FSTL4: variants seen among roughly 807,000 people sequenced by gnomAD.
FSTL4 encodes the protein follistatin like 4.
Under a neutral mutation model 78.2 loss-of-function variants are expected in FSTL4, and 28 were observed. That is an observed-to-expected ratio of 0.36 (90% CI 0.27 to 0.49). The LOEUF (loss-of-function observed/expected upper bound fraction) is 0.49. Among genes scored for constraint, FSTL4 ranks in the 20% least tolerant of loss-of-function variants. The probability of loss-of-function intolerance (pLI) is 0.98; values close to 1 mark genes in which losing one functional copy is unlikely to be tolerated. For missense variants in FSTL4, 922 were observed against 1,084.9 expected, an observed-to-expected ratio of 0.85 and a Z score of 2.11; for synonymous variants, 422 against 440.5, an observed-to-expected ratio of 0.96 and a Z score of 0.53.
chr5:133,679,020 G>A, the FSTL4 span, among the ~76,000 whole-genome samples: 3 of 152,158 alleles, frequency 2.0e-5, no homozygotes, highest in Non-Finnish European at 4.4e-5. Flanking sequence ...CAGCAACATA[G>A]CAAGGCTATA....
intron 6 of FSTL4, among the ~76,000 whole-genome samples, chr5:133,251,796 C>T (rs1752250354): frequency 6.6e-6 from 1 of 152,196 alleles, no homozygotes; most frequent in South Asian, 2.1e-4. Flanking sequence ...TGAGAACTGC[C>T]TTGGGCTGCC....
the FSTL4 span, among the ~76,000 whole-genome samples, chr5:133,821,848 G>A: frequency 2.6e-5 from 4 of 152,234 alleles, no homozygotes; most frequent in East Asian, 1.9e-4. Context: ...GAGACTGGTC[G>A]GAAATTCAGT....
chr5:133,663,046 T>C, the FSTL4 span, among the ~76,000 whole-genome samples: 1 of 152,328 alleles, frequency 6.6e-6, no homozygotes, highest in African/African-American at 2.4e-5. Context: ...GACAAAATTA[T>C]AGTAGTAAAG....
chr5:133,416,868 C>T (rs1288800876), intron 3 of FSTL4, among the ~76,000 whole-genome samples: 1 of 152,170 alleles, frequency 6.6e-6, no homozygotes, highest in Non-Finnish European at 1.5e-5. Flanking sequence ...AATGAGTGCT[C>T]TGGTTTGAAT....
At chr5:133,729,963 C>A in the FSTL4 span, among the ~76,000 whole-genome samples, 1 of 152,166 alleles carries the variant, frequency 6.6e-6, no homozygotes, top group Non-Finnish European at 1.5e-5. Context: ...ACTCACCAAA[C>A]AACCTTCAGA....
the FSTL4 span, among the ~76,000 whole-genome samples, chr5:133,702,651 G>A: frequency 3.7e-4 from 56 of 152,308 alleles, no homozygotes; most frequent in East Asian, 6.6e-3. Context: ...AAGAAAGTAT[G>A]CTTTTATAGA....
chr5:133,749,459 CTG>C, the FSTL4 span, among the ~76,000 whole-genome samples: 1 of 152,238 alleles, frequency 6.6e-6, no homozygotes, highest in South Asian at 2.1e-4. Context: ...GCAGTGAAGA[CTG>C]GATTTCAGCC....
intron 2 of FSTL4, among the ~76,000 whole-genome samples, chr5:133,601,599 G>A (rs550033346): frequency 6.6e-6 from 1 of 152,296 alleles, no homozygotes; most frequent in East Asian, 1.9e-4. Context: ...CAGAGTGTGA[G>A]CAAGGGCTGC....
the FSTL4 span, among the ~76,000 whole-genome samples, chr5:133,701,509 A>ACACACACACACACACACACACACACC: frequency 5.3e-5 from 7 of 132,624 alleles, no homozygotes; most frequent in Non-Finnish European, 6.4e-5. Context: ...ACACACACAC[A>ACACACACACACACACACACACACACC]CCCCACAGGC....
At chr5:133,398,154 T>C (rs27973) in intron 4 of FSTL4, among the ~76,000 whole-genome samples, 140,677 of 152,218 alleles carry the variant, frequency 0.92, 65,075 homozygotes, top group East Asian at 0.98. Flanking sequence ...CCCCAAGGCA[T>C]TCACCTCAGG....
chr5:133,230,086 G>A (rs1751448517), intron 8 of FSTL4, among the ~76,000 whole-genome samples: 1 of 152,200 alleles, frequency 6.6e-6, no homozygotes, highest in East Asian at 1.9e-4. Context: ...GGAAACTCAA[G>A]GAATGAGCTT....
intron 3 of FSTL4, among the ~76,000 whole-genome samples, chr5:133,427,046 A>G (rs1261243221): frequency 6.6e-6 from 1 of 152,130 alleles, no homozygotes; most frequent in Non-Finnish European, 1.5e-5. Context: ...GAACTAGCTC[A>G]CACTGCCCCC....
the FSTL4 span, among the ~76,000 whole-genome samples, chr5:133,701,509 A>ACACACACACAC: frequency 4.0e-3 from 535 of 132,658 alleles, 7 homozygotes; most frequent in African/African-American, 0.011. Context: ...ACACACACAC[A>ACACACACACAC]CCCCACAGGC....
the FSTL4 span, among the ~76,000 whole-genome samples, chr5:133,674,597 GTGTGTGTGTGTGTC>G: frequency 6.9e-6 from 1 of 144,038 alleles, no homozygotes; most frequent in African/African-American, 2.5e-5. Flanking sequence ...GTGTGTGTGT[GTGTGTGTGTGTGTC>G]TGTGTGTGTG....
chr5:133,797,837 C>A, the FSTL4 span, among the ~76,000 whole-genome samples: 1 of 152,134 alleles, frequency 6.6e-6, no homozygotes, highest in African/African-American at 2.4e-5. Flanking sequence ...CCAAACATGT[C>A]CTGAGGTCAA....
chr5:133,417,301 G>A (rs1756596017), intron 3 of FSTL4, among the ~76,000 whole-genome samples: 1 of 151,204 alleles, frequency 6.6e-6, no homozygotes, highest in Admixed American at 6.6e-5. Flanking sequence ...TCAAAGACAG[G>A]TCAATAATAA....
At chr5:133,628,342 G>T in the FSTL4 span, among the ~76,000 whole-genome samples, 1 of 149,364 alleles carries the variant, frequency 6.7e-6, no homozygotes, top group African/African-American at 2.5e-5. Flanking sequence ...TTTTTTGTTT[G>T]TTTCTTTTCT....
the FSTL4 span, among the ~76,000 whole-genome samples, chr5:133,778,251 G>A: frequency 1.2e-4 from 18 of 152,308 alleles, no homozygotes; most frequent in Non-Finnish European, 2.5e-4. Flanking sequence ...AATGAGCAAC[G>A]TGGGAGAAAA....
At chr5:133,744,394 G>A in the FSTL4 span, among the ~76,000 whole-genome samples, 34 of 152,248 alleles carry the variant, frequency 2.2e-4, 1 homozygote, top group East Asian at 2.7e-3. Context: ...TGTGATAAGC[G>A]CCCCATGTAA....
Sources: gnomAD v4.1 joint callset for allele counts (sites outside exome capture counted in the v4.1 genomes callset) on GRCh38, gnomAD v4.1.1 for gene constraint, MANE v1.5 for transcripts, NCBI Gene and HGNC (gene_info 2026-07-23, HGNC 2026-07-21) for gene names.